ANKS1B: variants seen among roughly 807,000 people sequenced by gnomAD.
ANKS1B encodes the protein ankyrin repeat and sterile alpha motif domain-containing protein 1B.
In ANKS1B, 36 loss-of-function variants were observed where a neutral mutation model predicts 148.3. That is an observed-to-expected ratio of 0.24 (90% CI 0.19 to 0.32). The LOEUF is 0.32. ANKS1B is among the 10% of genes least tolerant of loss of function. The probability of loss-of-function intolerance (pLI) is 1.00; values close to 1 mark genes in which losing one functional copy is unlikely to be tolerated. For synonymous variants in ANKS1B, 542 were observed against 560.8 expected (o/e 0.97, Z 0.47); for missense variants, 1,157 against 1,542.6 (o/e 0.75, Z 4.19).
chr12:99,576,836 T>G (rs1474879000), intron 9 of ANKS1B, among the ~76,000 whole-genome samples: 1 of 151,942 alleles, frequency 6.6e-6, no homozygotes, highest in African/African-American at 2.4e-5. Context: ...TGCTGAGGTT[T>G]GGAGTATAAA....
At chr12:99,364,728 T>C (rs2092676380) in intron 12 of ANKS1B, among the ~76,000 whole-genome samples, 1 of 152,224 alleles carries the variant, frequency 6.6e-6, no homozygotes, top group Non-Finnish European at 1.5e-5. Flanking sequence ...ATGGTAGTTT[T>C]ATATCATAAA....
At chr12:99,228,794 T>G (rs1172170438) in intron 14 of ANKS1B, among the ~76,000 whole-genome samples, 1 of 151,958 alleles carries the variant, frequency 6.6e-6, no homozygotes, top group Non-Finnish European at 1.5e-5. Context: ...CACAACTATT[T>G]TGACTCAAAA....
At chr12:99,295,499 T>C (rs564613145) in intron 12 of ANKS1B, among the ~76,000 whole-genome samples, 4 of 152,370 alleles carry the variant, frequency 2.6e-5, no homozygotes, top group South Asian at 2.1e-4. Flanking sequence ...CAGTCAGTGG[T>C]TTGTCATCAC....
At chr12:99,583,647 C>CT (rs1237350034) in intron 9 of ANKS1B, among the ~76,000 whole-genome samples, 15 of 151,856 alleles carry the variant, frequency 9.9e-5, no homozygotes, top group Admixed American at 6.6e-5. Flanking sequence ...CAGGGTGCTT[C>CT]TTTTTTTTCA....
chr12:98,892,682 T>G (rs2099755150), intron 17 of ANKS1B, among the ~76,000 whole-genome samples: 1 of 152,236 alleles, frequency 6.6e-6, no homozygotes, highest in Admixed American at 6.5e-5. Flanking sequence ...ACTTATGCAG[T>G]TTTATTTTTA....
chr12:99,179,151 G>A (rs182212292), intron 14 of ANKS1B, among the ~76,000 whole-genome samples: 22 of 152,200 alleles, frequency 1.4e-4, no homozygotes, highest in Admixed American at 9.2e-4. Context: ...AGTTGAGGCC[G>A]GGCGCGGTGG....
At chr12:99,240,865 T>C (rs928233434) in intron 14 of ANKS1B, among the ~76,000 whole-genome samples, 2 of 152,086 alleles carry the variant, frequency 1.3e-5, no homozygotes, top group Admixed American at 1.3e-4. Flanking sequence ...CAAAGACACA[T>C]TGTACCAGAA....
intron 8 of ANKS1B, among the ~76,000 whole-genome samples, chr12:99,757,202 C>T (rs1160220689): frequency 6.7e-6 from 1 of 150,368 alleles, no homozygotes; most frequent in East Asian, 2.0e-4. Flanking sequence ...ACTATGCATC[C>T]AACAAAGGTC....
intron 10 of ANKS1B, 84 bp downstream of exon 10, chr12:99,504,392 T>G (rs2096686036): frequency 7.0e-7 from 1 of 1,426,876 alleles, no homozygotes; most frequent in Non-Finnish European, 9.6e-7. Flanking sequence ...GATAACATAG[T>G]AGGAAACCAA....
intron 9 of ANKS1B, among the ~76,000 whole-genome samples, chr12:99,614,531 C>A (rs1035132248): frequency 6.6e-6 from 1 of 150,438 alleles, no homozygotes; most frequent in African/African-American, 2.4e-5. Context: ...TAATGTAGGT[C>A]CTGGATTTTC....
chr12:98,953,428 C>G (rs1350147231), intron 17 of ANKS1B, among the ~76,000 whole-genome samples: 1 of 151,218 alleles, frequency 6.6e-6, no homozygotes, highest in Non-Finnish European at 1.5e-5. Context: ...GCTGAAATTA[C>G]AGAAATGAGC....
chr12:99,077,314 A>G lies in ANKS1B; in HGVS notation c.2625+7611T>C, dbSNP rs530062707. ...GATGTCCACTGGGTGGTAGGCCAAC[A>G]CTGAGTGGCAGTGAGTTTAAGACAT... On this transcript the variant is annotated intron_variant, in intron 16 of 26. Coordinates refer to ENST00000683438, the MANE Select transcript of ANKS1B (RefSeq NM_001352186.2). Among the ~76,000 whole-genome samples the G allele has an allele frequency of 1.1e-4, 17 of 152,330 alleles. No homozygotes were observed. The South Asian group carries it at 3.3e-3, about 30-fold the overall frequency.
At chr12:99,280,928 TACAC>T (rs144380879) in intron 12 of ANKS1B, among the ~76,000 whole-genome samples, 39 of 147,472 alleles carry the variant, frequency 2.6e-4, no homozygotes, top group African/African-American at 4.7e-4. Flanking sequence ...CGTGCGCACA[TACAC>T]ACACACACAC....
At chr12:99,244,294 C>A (rs765828577) in intron 14 of ANKS1B, 48 bp downstream of exon 14, 2 of 1,299,756 alleles carry the variant, frequency 1.5e-6, no homozygotes, top group Non-Finnish European at 2.2e-6. Flanking sequence ...TTTCTCACTA[C>A]TCCTTAAGCA....
chr12:99,886,971 T>A (rs2092854180), intron 1 of ANKS1B, among the ~76,000 whole-genome samples: 1 of 152,224 alleles, frequency 6.6e-6, no homozygotes, highest in Non-Finnish European at 1.5e-5. Context: ...ACATTAATAA[T>A]TAGTTGGAAC....
intron 12 of ANKS1B, among the ~76,000 whole-genome samples, chr12:99,335,494 G>A (rs2088633745): frequency 7.3e-5 from 11 of 150,598 alleles, no homozygotes; most frequent in Admixed American, 6.7e-4. Flanking sequence ...GCTCCCACCT[G>A]GTTCCCAGCT....
intron 8 of ANKS1B, among the ~76,000 whole-genome samples, chr12:99,683,957 T>C (rs544347192): frequency 6.6e-6 from 1 of 152,160 alleles, no homozygotes; most frequent in Non-Finnish European, 1.5e-5. Context: ...AAGGGACATA[T>C]CTTAAGGTAA....
chr12:99,703,089 C>T (rs377368450), intron 8 of ANKS1B, among the ~76,000 whole-genome samples: 15 of 152,220 alleles, frequency 9.9e-5, no homozygotes, highest in African/African-American at 3.6e-4. Flanking sequence ...AACCATCAAA[C>T]ATCTAAGTTT....
intron 9 of ANKS1B, among the ~76,000 whole-genome samples, chr12:99,558,171 T>C (rs2097297129): frequency 6.6e-6 from 1 of 152,020 alleles, no homozygotes. Flanking sequence ...ACACACATGA[T>C]GGGGTCAGTG....
Sources: gnomAD v4.1 joint callset for allele counts (sites outside exome capture counted in the v4.1 genomes callset) on GRCh38, gnomAD v4.1.1 for gene constraint, MANE v1.5 for transcripts, NCBI Gene and HGNC (gene_info 2026-07-23, HGNC 2026-07-21) for gene names.